Variants in DSCAM observed in about 807,000 individuals in gnomAD.
DSCAM encodes DS cell adhesion molecule, also known as cell adhesion molecule DSCAM.
Under a neutral mutation model 217.7 loss-of-function variants are expected in DSCAM, and 47 were observed. The observed-to-expected ratio is 0.22, with a 90% confidence interval of 0.17 to 0.28. The LOEUF (loss-of-function observed/expected upper bound fraction) is 0.28, where lower values mean the gene tolerates loss of function less well. Ranked by LOEUF, DSCAM falls within the 10% of genes least tolerant of loss-of-function variation. The pLI is 1.00. For synonymous variants in DSCAM, 1,056 were observed against 1,015.3 expected (o/e 1.04, Z -0.76); for missense variants, 2,080 against 2,618.3 (o/e 0.79, Z 4.49).
chr21:40,319,083 C>A (rs1381170454), intron 8 of DSCAM, among the ~76,000 whole-genome samples: 1 of 152,118 alleles, frequency 6.6e-6, no homozygotes, highest in Non-Finnish European at 1.5e-5. Context: ...AAAAATGTTT[C>A]AAGTATCTGT....
intron 20 of DSCAM, among the ~76,000 whole-genome samples, chr21:40,110,541 C>T (rs2089883890): frequency 6.6e-6 from 1 of 152,186 alleles, no homozygotes; most frequent in African/African-American, 2.4e-5. Flanking sequence ...AGCTCCTCAC[C>T]AGCAACAGAA....
At chr21:40,120,699 C>A (rs1157419352) in intron 20 of DSCAM, among the ~76,000 whole-genome samples, 1 of 152,102 alleles carries the variant, frequency 6.6e-6, no homozygotes, top group Non-Finnish European at 1.5e-5. Flanking sequence ...CACTGTTGGA[C>A]CCCCGAGGGA....
At chr21:40,781,085 T>G (rs1208411095) in intron 1 of DSCAM, among the ~76,000 whole-genome samples, 1 of 152,100 alleles carries the variant, frequency 6.6e-6, no homozygotes, top group African/African-American at 2.4e-5. Context: ...CTTGGCTCAC[T>G]GTAACCTCCA....
chr21:40,553,843 T>C (rs114255298), intron 3 of DSCAM, among the ~76,000 whole-genome samples: 4,907 of 152,166 alleles, frequency 0.032, 278 homozygotes, highest in African/African-American at 0.11. Context: ...AAATAAAAGG[T>C]TCATGAAAGA....
At chr21:40,427,175 T>C (rs935260505) in intron 3 of DSCAM, among the ~76,000 whole-genome samples, 2 of 152,210 alleles carry the variant, frequency 1.3e-5, no homozygotes, top group Admixed American at 6.5e-5. Context: ...GCTCTGGTCA[T>C]GGACCTGTCT....
intron 18 of DSCAM, among the ~76,000 whole-genome samples, chr21:40,138,244 G>C (rs1187396076): frequency 6.6e-6 from 1 of 152,046 alleles, no homozygotes; most frequent in Non-Finnish European, 1.5e-5. Flanking sequence ...GAATGTGTGG[G>C]GGGTGTGTGT....
At chr21:40,784,713 G>C (rs1168264907) in intron 1 of DSCAM, among the ~76,000 whole-genome samples, 1 of 152,196 alleles carries the variant, frequency 6.6e-6, no homozygotes, top group Non-Finnish European at 1.5e-5. Flanking sequence ...ATTGACTCCA[G>C]AGAGTGCTCT....
At chr21:40,342,252 A>C (rs1345258526) in intron 6 of DSCAM, among the ~76,000 whole-genome samples, 1 of 151,328 alleles carries the variant, frequency 6.6e-6, no homozygotes, top group African/African-American at 2.4e-5. Flanking sequence ...TAAGATTCCT[A>C]TAGAGATTAT....
intron 3 of DSCAM, among the ~76,000 whole-genome samples, chr21:40,513,982 A>T (rs1568867334): frequency 6.6e-6 from 1 of 152,196 alleles, no homozygotes; most frequent in Non-Finnish European, 1.5e-5. Context: ...TTTGCACTCA[A>T]AACTGCTACA....
chr21:40,836,463 C>T (rs981555059), intron 1 of DSCAM, among the ~76,000 whole-genome samples: 1 of 152,230 alleles, frequency 6.6e-6, no homozygotes, highest in South Asian at 2.1e-4. Context: ...TACTCAGAAT[C>T]TTTCTTGTTA....
rs1238100386 is a variant in DSCAM at position 40,274,811 on chromosome 21, A to G, written c.2356+1286T>C. Reference sequence around the variant, plus strand: ...TCACAATATAAAACTTTAATAAATAAACACTTGGATTTTTTTTGTTCTGTT... The same window carrying G: ...TCACAATATAAAACTTTAATAAATAGACACTTGGATTTTTTTTGTTCTGTT... On this transcript the variant is annotated intron_variant, in intron 11 of 32. Transcript: ENST00000400454. Among the ~76,000 whole-genome samples, 4 of 152,192 alleles carry G rather than the reference A, an allele frequency of 2.6e-5. 1 individual carries two copies.
chr21:40,672,044 T>C (rs548373605), intron 3 of DSCAM, among the ~76,000 whole-genome samples: 1 of 152,312 alleles, frequency 6.6e-6, no homozygotes, highest in Non-Finnish European at 1.5e-5. Context: ...ACCTTCTGTG[T>C]CCTCACATGG....
At chr21:40,519,941 G>A (rs1301207537) in intron 3 of DSCAM, among the ~76,000 whole-genome samples, 2 of 151,992 alleles carry the variant, frequency 1.3e-5, no homozygotes, top group Admixed American at 1.3e-4. Flanking sequence ...CACTAGGGTA[G>A]TTTAAATCAA....
chr21:40,230,916 A>G (rs942667078), intron 11 of DSCAM, among the ~76,000 whole-genome samples: 18 of 151,772 alleles, frequency 1.2e-4, no homozygotes, highest in African/African-American at 4.4e-4. Context: ...CCAGGTACAC[A>G]GATGTCCCCA....
chr21:40,685,437 C>A (rs1426751178), intron 3 of DSCAM, among the ~76,000 whole-genome samples: 1 of 152,184 alleles, frequency 6.6e-6, no homozygotes, highest in Non-Finnish European at 1.5e-5. Context: ...ACATACCAAA[C>A]ATACCAGGGT....
At chr21:40,223,270 C>G (rs2091303803) in intron 11 of DSCAM, among the ~76,000 whole-genome samples, 1 of 152,222 alleles carries the variant, frequency 6.6e-6, no homozygotes, top group Non-Finnish European at 1.5e-5. Flanking sequence ...GAACATGGTC[C>G]TTAGTCCTGC....
intron 23 of DSCAM, among the ~76,000 whole-genome samples, chr21:40,084,495 A>C (rs2089505042): frequency 6.8e-6 from 1 of 146,306 alleles, no homozygotes; most frequent in Non-Finnish European, 1.5e-5. Context: ...TATTGCTCCA[A>C]GATGCAACAC....
intron 3 of DSCAM, among the ~76,000 whole-genome samples, chr21:40,662,373 G>C (rs1032033504): frequency 6.6e-6 from 1 of 151,944 alleles, no homozygotes; most frequent in Middle Eastern, 3.2e-3. Context: ...CATGAGTTCC[G>C]TGCTTTATAT....
intron 3 of DSCAM, among the ~76,000 whole-genome samples, chr21:40,434,695 T>C (rs1006643747): frequency 6.6e-6 from 1 of 152,174 alleles, no homozygotes; most frequent in Non-Finnish European, 1.5e-5. Flanking sequence ...ATGCCCTGTG[T>C]ATAATGAAGG....
Sources: allele counts gnomAD v4.1 joint callset (sites outside exome capture counted in the v4.1 genomes callset), GRCh38; gene constraint gnomAD v4.1.1; transcripts MANE v1.5; gene names NCBI Gene and HGNC (gene_info 2026-07-23, HGNC 2026-07-21).